The following SPATS2L variants were observed in gnomAD, a reference collection of about 807,000 sequenced individuals.
SPATS2L encodes SPATS2-like protein.
Under a neutral mutation model 59.6 loss-of-function variants are expected in SPATS2L, and 30 were observed. That is an observed-to-expected ratio of 0.50 (90% CI 0.38 to 0.68). The LOEUF (loss-of-function observed/expected upper bound fraction) is 0.68. Ranked by LOEUF, SPATS2L falls within the 30% of genes least tolerant of loss-of-function variation. The pLI is 0.00. For missense variants in SPATS2L, 615 were observed against 700.0 expected (o/e 0.88, Z 1.37); for synonymous variants, 252 against 263.5 (o/e 0.96, Z 0.42).
chr2:200,400,006 C>A (rs1440171154), intron 3 of SPATS2L, among the ~76,000 whole-genome samples: 1 of 152,074 alleles, frequency 6.6e-6, no homozygotes, highest in East Asian at 1.9e-4. Context: ...ATTACCATTT[C>A]CCCCCTCCAA....
intron 12 of SPATS2L, among the ~76,000 whole-genome samples, chr2:200,474,312 T>G (rs892811154): frequency 6.6e-6 from 1 of 152,130 alleles, no homozygotes; most frequent in African/African-American, 2.4e-5. Flanking sequence ...CTGTTTTTAC[T>G]TGTAGTCTAA....
chr2:200,401,704 A>T (rs888939508), intron 3 of SPATS2L, among the ~76,000 whole-genome samples: 6 of 150,078 alleles, frequency 4.0e-5, no homozygotes, highest in Non-Finnish European at 7.4e-5. Context: ...TCCCTGGGAA[A>T]TTTTTTTTTT....
intron 11 of SPATS2L, 98 bp downstream of exon 11, chr2:200,470,114 G>A: frequency 2.2e-6 from 2 of 895,506 alleles, no homozygotes; most frequent in East Asian, 2.7e-5. Flanking sequence ...CCCCCAGGGG[G>A]CTAACGTGAG....
Position 200,473,067 on chromosome 2 carries a change from G to A in SPATS2L, c.1281+15G>A. On this transcript the variant is annotated intron_variant, in intron 12 of 12. Coordinates refer to ENST00000409140, the MANE Select transcript of SPATS2L (RefSeq NM_001100423.2). ...CCAACAAGCAGGTAAGCCGACACTG[G>A]TGCAGGGTGCCAGAGGAAAAAAAAA... 1 of 1,594,594 alleles carries A rather than the reference G, an allele frequency of 6.3e-7. No individual in the cohort carries two copies. The highest frequency in any genetic ancestry group is 8.6e-7 in the Non-Finnish European group (1 of 1,168,530).
In SPATS2L at chr2:200,443,133, C is replaced by T. The variant is rs539488140; in HGVS notation, c.788+2349C>T. Among the ~76,000 whole-genome samples, 139 of 152,266 alleles carry T rather than the reference C, an allele frequency of 9.1e-4. 1 individual carries two copies. The highest frequency in any genetic ancestry group is 3.1e-3 in the African/African-American group (127 of 41,564). ...AAAGTGCTCTTTAAAATCAACTATG[C>T]ATGCCTGCCAAACAGAAAAACCTTG... On this transcript the variant is annotated intron_variant, in intron 8 of 12. Transcript: ENST00000409140.
At chr2:200,458,860 A>G (rs1461421675) in intron 8 of SPATS2L, among the ~76,000 whole-genome samples, 3 of 152,210 alleles carry the variant, frequency 2.0e-5, no homozygotes, top group Non-Finnish European at 4.4e-5. Context: ...AGAAGTCCTT[A>G]TGTTTTAAAG....
At chr2:200,465,847 A>T (rs1036839270) in intron 9 of SPATS2L, among the ~76,000 whole-genome samples, 1 of 152,196 alleles carries the variant, frequency 6.6e-6, no homozygotes, top group African/African-American at 2.4e-5. Flanking sequence ...CATGGCTAAC[A>T]TGGTGAAACC....
chr2:200,437,791 CTAA>C (rs2106093885), intron 6 of SPATS2L, among the ~76,000 whole-genome samples: 1 of 152,198 alleles, frequency 6.6e-6, no homozygotes, highest in South Asian at 2.1e-4. Flanking sequence ...CATGAATGGA[CTAA>C]TGTCTAAAAT....
chr2:200,307,343 C>G (rs2079056818), intron 1 of SPATS2L, among the ~76,000 whole-genome samples: 1 of 151,782 alleles, frequency 6.6e-6, no homozygotes, highest in South Asian at 2.1e-4. Flanking sequence ...GACCCACCGT[C>G]CCCCAGGCTG....
intron 3 of SPATS2L, among the ~76,000 whole-genome samples, chr2:200,400,805 TTAAA>T (rs2082501681): frequency 6.6e-6 from 1 of 152,242 alleles, no homozygotes; most frequent in Non-Finnish European, 1.5e-5. Flanking sequence ...ATTGTAACTG[TTAAA>T]TAAATTTGCT....
At chr2:200,394,015 C>T (rs777815781) in intron 3 of SPATS2L, among the ~76,000 whole-genome samples, 1 of 152,084 alleles carries the variant, frequency 6.6e-6, no homozygotes, top group African/African-American at 2.4e-5. Flanking sequence ...AGCTTTTAGT[C>T]CAAAGAAGCA....
intron 2 of SPATS2L, among the ~76,000 whole-genome samples, chr2:200,341,978 G>A (rs1045772684): frequency 5.3e-5 from 8 of 152,074 alleles, no homozygotes; most frequent in Admixed American, 1.3e-4. Flanking sequence ...GTGAGCCACC[G>A]CGCCCGGCCA....
intron 2 of SPATS2L, among the ~76,000 whole-genome samples, chr2:200,363,392 C>T (rs375342759): frequency 2.6e-5 from 4 of 152,172 alleles, no homozygotes; most frequent in African/African-American, 9.7e-5. Context: ...TGTCCATATT[C>T]GTCTTCTTCA....
chr2:200,469,703 C>T, intron 10 of SPATS2L: 1 of 503,700 alleles, frequency 2.0e-6, no homozygotes, highest in Non-Finnish European at 3.5e-6. Context: ...AAACACAGGC[C>T]CCTCACATAT....
chr2:200,425,135 C>T (rs865987855), intron 6 of SPATS2L, among the ~76,000 whole-genome samples: 1 of 104,406 alleles, frequency 9.6e-6, no homozygotes, highest in Non-Finnish European at 2.0e-5. Context: ...CCCGCCCCCC[C>T]CCCCCCCCGC....
At chr2:200,402,517 A>C (rs1574404816) in intron 3 of SPATS2L, among the ~76,000 whole-genome samples, 1 of 151,250 alleles carries the variant, frequency 6.6e-6, no homozygotes, top group Admixed American at 6.6e-5. Context: ...AGTGCTACTA[A>C]CCCATCATTC....
chr2:200,439,584 A>G (rs2106102657), intron 7 of SPATS2L, among the ~76,000 whole-genome samples: 1 of 152,310 alleles, frequency 6.6e-6, no homozygotes, highest in South Asian at 2.1e-4. Context: ...GGCATGGATA[A>G]ACTTACACCA....
intron 2 of SPATS2L, among the ~76,000 whole-genome samples, chr2:200,369,247 C>T (rs1412853769): frequency 1.3e-5 from 2 of 152,296 alleles, no homozygotes; most frequent in South Asian, 2.1e-4. Flanking sequence ...CAGCCTCTGC[C>T]TCCCAGATTC....
intron 2 of SPATS2L, among the ~76,000 whole-genome samples, chr2:200,366,073 A>G (rs1056049756): frequency 7.9e-5 from 12 of 152,200 alleles, no homozygotes; most frequent in Non-Finnish European, 1.0e-4. Context: ...CCTCATTTAT[A>G]AAAAGAGAAA....
Sources: allele counts gnomAD v4.1 joint callset (sites outside exome capture counted in the v4.1 genomes callset), GRCh38; gene constraint gnomAD v4.1.1; transcripts MANE v1.5; gene names NCBI Gene and HGNC (gene_info 2026-07-23, HGNC 2026-07-21).